NPHP4: variants seen among roughly 807,000 people sequenced by gnomAD.
NPHP4 encodes nephrocystin-4.
A neutral mutation model predicts 155.8 loss-of-function variants in NPHP4; 151 were observed. That is an observed-to-expected ratio of 0.97 (90% CI 0.85 to 1.11). The LOEUF (loss-of-function observed/expected upper bound fraction) is 1.11, where lower values mean the gene tolerates loss of function less well. Among genes scored for constraint, NPHP4 ranks in the 50% least tolerant of loss-of-function variants. The probability of loss-of-function intolerance (pLI) is 0.00; values close to 1 mark genes in which losing one functional copy is unlikely to be tolerated. For synonymous variants in NPHP4, 845 were observed against 816.8 expected (o/e 1.03, Z -0.59); for missense variants, 1,956 against 1,925.7 (o/e 1.02, Z -0.29).
intron 16 of NPHP4, among the ~76,000 whole-genome samples, chr1:5,896,386 C>T (rs961387238): frequency 1.3e-5 from 2 of 152,200 alleles, no homozygotes; most frequent in African/African-American, 2.4e-5. Flanking sequence ...TTTGGTCACA[C>T]TAAACCAATT....
At chr1:5,973,542 G>A (rs1310776469) in intron 3 of NPHP4, among the ~76,000 whole-genome samples, 1 of 152,094 alleles carries the variant, frequency 6.6e-6, no homozygotes, top group Non-Finnish European at 1.5e-5. Flanking sequence ...AGCTATGATC[G>A]CACCATTGCA....
chr1:5,980,853 C>T (rs953934577), intron 2 of NPHP4, among the ~76,000 whole-genome samples: 3 of 152,088 alleles, frequency 2.0e-5, no homozygotes, highest in African/African-American at 4.8e-5. Flanking sequence ...CACCACGCAC[C>T]GGGGCCTGGC....
chr1:5,976,626 T>C (rs978014089), intron 3 of NPHP4, among the ~76,000 whole-genome samples: 4 of 152,318 alleles, frequency 2.6e-5, no homozygotes, highest in Non-Finnish European at 1.5e-5. Flanking sequence ...GAGAGACCTC[T>C]GAGAGGTATT....
chr1:5,898,532 C>T (rs961567070), intron 16 of NPHP4, among the ~76,000 whole-genome samples: 10 of 152,208 alleles, frequency 6.6e-5, no homozygotes, highest in Non-Finnish European at 1.3e-4. Context: ...GCGGCTCTGC[C>T]GGGCAGACAG....
intron 19 of NPHP4, among the ~76,000 whole-genome samples, chr1:5,878,363 T>G (rs1190684566): frequency 6.6e-6 from 1 of 152,132 alleles, no homozygotes; most frequent in African/African-American, 2.4e-5. Context: ...CTCTTACAAG[T>G]CTCCGGCACA....
intron 10 of NPHP4, among the ~76,000 whole-genome samples, chr1:5,932,428 G>A (rs761707710): frequency 6.6e-6 from 1 of 152,008 alleles, no homozygotes; most frequent in Non-Finnish European, 1.5e-5. Context: ...ACCAAACACT[G>A]CAGCCGAGCA....
At chr1:5,980,775 G>A (rs1053775323) in intron 2 of NPHP4, among the ~76,000 whole-genome samples, 3 of 152,104 alleles carry the variant, frequency 2.0e-5, no homozygotes, top group Admixed American at 6.5e-5. Context: ...GTGGAGGGAG[G>A]TGGTGTTATC....
rs902346808 is a variant in NPHP4, at chr1:5,910,051, C to T, written c.1442-838G>A. 3.9e-5 allele frequency among the ~76,000 whole-genome samples: 6 copies of T among 152,232 alleles called. No homozygotes were observed. The highest frequency in any genetic ancestry group is 1.4e-4 in the African/African-American group (6 of 41,460). On this transcript the variant is annotated intron_variant, in intron 11 of 29. Coordinates refer to ENST00000378156, the MANE Select transcript of NPHP4 (RefSeq NM_015102.5). The surrounding 1 kb of genome is among the most constrained non-coding windows in gnomAD (Gnocchi z 5.4). The stretch of plus-strand genomic sequence containing the variant: ...GCTGGAGTCTCTGAAACCCACCAGG[C>T]TCCTGCCACAGCGGTGCTGGAGCGT...
intron 2 of NPHP4, among the ~76,000 whole-genome samples, chr1:5,980,522 T>C (rs1159164913): frequency 1.3e-5 from 2 of 152,130 alleles, no homozygotes; most frequent in Non-Finnish European, 2.9e-5. Flanking sequence ...ACAATCTGGT[T>C]CGGGATTTAA....
chr1:5,939,016 T>G (rs932208157), intron 9 of NPHP4, among the ~76,000 whole-genome samples: 1 of 152,236 alleles, frequency 6.6e-6, no homozygotes, highest in Non-Finnish European at 1.5e-5. Flanking sequence ...AATAGAATGA[T>G]GTCTTTTGTT....
intron 10 of NPHP4, among the ~76,000 whole-genome samples, chr1:5,932,318 C>T (rs911865246): frequency 8.5e-5 from 13 of 152,224 alleles, no homozygotes; most frequent in African/African-American, 2.9e-4. Context: ...ATAGGCAGAA[C>T]TTTCAAAATC....
rs553710499 is a variant in NPHP4, at chr1:5,877,313, G to C, written c.2612-15C>G. 2 of 1,574,144 alleles carry C rather than the reference G, an allele frequency of 1.3e-6. No individual in the cohort carries two copies. Among genetic ancestry groups the C allele is most frequent in the South Asian group, 1.1e-5 (1 of 87,106 alleles). On this transcript the variant is annotated splice_polypyrimidine_tract_variant and intron_variant, in intron 19 of 29. Coordinates refer to ENST00000378156, the MANE Select transcript of NPHP4 (RefSeq NM_015102.5). Reference sequence around the variant, plus strand: ...CACGTGTTTTCCTGCGAAAGGGTCAGAGCGCGAGTCAGGTAGACGTGCAGT... The same window carrying C: ...CACGTGTTTTCCTGCGAAAGGGTCACAGCGCGAGTCAGGTAGACGTGCAGT...
At chr1:5,909,056 C>A in intron 12 of NPHP4, 96 bp downstream of exon 12, 1 of 1,048,228 alleles carries the variant, frequency 9.5e-7, no homozygotes, top group South Asian at 1.3e-5. Flanking sequence ...CGCAGAAGCA[C>A]GCAGGGATCC....
chr1:5,992,102 CCCA>C (rs1656468972), intron 1 of NPHP4, 139 bp downstream of exon 1: 1 of 152,362 alleles, frequency 6.6e-6, no homozygotes, highest in South Asian at 2.0e-4. Flanking sequence ...GCACCGGGCC[CCCA>C]CGCAGGGACG....
At chr1:5,942,833 A>G (rs1646895046) in intron 9 of NPHP4, among the ~76,000 whole-genome samples, 1 of 152,142 alleles carries the variant, frequency 6.6e-6, no homozygotes, top group Admixed American at 6.5e-5. Context: ...GGAGAGGGTT[A>G]TTTTGTCATG....
Position 5,927,760 on chromosome 1 carries a change from G to C in NPHP4, c.1330C>G (p.Arg444Gly), listed in dbSNP as rs375090105. Residue 444 changes from arginine (R) to glycine (G), a missense_variant, in exon 11 of 30, where the codon CGG becomes GGG. Coordinates refer to ENST00000378156, the MANE Select transcript of NPHP4 (RefSeq NM_015102.5). ...TCTGAGCCCAGCGAGAACTGGAACCGGAGTGTACCCGACTCCACCTGCTTC... is the reference window on the plus strand; with the variant it reads ...TCTGAGCCCAGCGAGAACTGGAACCCGAGTGTACCCGACTCCACCTGCTTC... ...EVKQVESGTL[R>G]FQFSLGSEEH... 1 of 1,612,944 alleles carries C rather than the reference G, an allele frequency of 6.2e-7. No homozygotes were observed. Among genetic ancestry groups the C allele is most frequent in the Non-Finnish European group, 8.5e-7 (1 of 1,179,078 alleles).
rs919742633 is a variant in NPHP4 at position 5,875,164 on chromosome 1, G to A, written c.2818-64C>T. On this transcript the variant is annotated intron_variant, in intron 20 of 29. Transcript: ENST00000378156. Reference sequence around the variant, plus strand: ...ACACTCTCCTCCACAAGGGGCTATTGCTGGCTGCCCACCACCCGCGATCTC... The same window carrying A: ...ACACTCTCCTCCACAAGGGGCTATTACTGGCTGCCCACCACCCGCGATCTC... 3.2e-6 allele frequency: 4 copies of A among 1,237,590 alleles called. No homozygotes were observed. The African/African-American group carries it at 4.4e-5, about 14-fold the overall frequency. The allele number at this position is 1,237,590 out of a possible 1,614,324, so 76.7% of individuals were successfully genotyped here.
chr1:5,925,534 T>A (rs1645955660), intron 11 of NPHP4, among the ~76,000 whole-genome samples: 1 of 152,232 alleles, frequency 6.6e-6, no homozygotes, highest in South Asian at 2.1e-4. Flanking sequence ...ATTTTATTTT[T>A]AAAATATAAC....
chr1:5,953,591 T>C (rs1396000454), intron 6 of NPHP4, among the ~76,000 whole-genome samples: 1 of 152,224 alleles, frequency 6.6e-6, no homozygotes, highest in Non-Finnish European at 1.5e-5. Flanking sequence ...TGAGCAGGCA[T>C]GAGCCTGTCA....
Sources: gnomAD v4.1 joint callset for allele counts (sites outside exome capture counted in the v4.1 genomes callset) on GRCh38, gnomAD v4.1.1 for gene constraint, Gnocchi (gnomAD v3.1) non-coding constraint, MANE v1.5 for transcripts, NCBI Gene and HGNC (gene_info 2026-07-23, HGNC 2026-07-21) for gene names.